CLPTM1L: variants seen among roughly 807,000 people sequenced by gnomAD.
The protein encoded by CLPTM1L is lipid scramblase CLPTM1L.
A neutral mutation model predicts 70.9 loss-of-function variants in CLPTM1L; 38 were observed. The ratio of observed to expected loss-of-function variants is 0.54; its 90% CI spans 0.41 to 0.70. The LOEUF (loss-of-function observed/expected upper bound fraction) is 0.70. Among genes scored for constraint, CLPTM1L ranks in the 30% least tolerant of loss-of-function variants. The pLI is 0.00. For synonymous variants in CLPTM1L, 339 were observed against 299.9 expected, an observed-to-expected ratio of 1.13 and a Z score of -1.35; for missense variants, 652 against 705.9, an observed-to-expected ratio of 0.92 and a Z score of 0.87.
At chr5:1,336,687 G>A (rs1002682221) in intron 5 of CLPTM1L, among the ~76,000 whole-genome samples, 3 of 152,202 alleles carry the variant, frequency 2.0e-5, no homozygotes, top group South Asian at 2.1e-4. Context: ...TGCAGGGGCC[G>A]ACAGAGAAAC....
At chr5:1,335,765 C>T (rs1048387205) in intron 5 of CLPTM1L, among the ~76,000 whole-genome samples, 2 of 152,226 alleles carry the variant, frequency 1.3e-5, no homozygotes, top group African/African-American at 4.8e-5. Context: ...GGGCCTCACG[C>T]ACACAGGCTG....
At position 1,322,884 on chromosome 5, in the gene CLPTM1L, G is replaced by A. The variant is rs202096751; in HGVS notation, c.1308C>T (p.Phe436=). Residue 436 remains phenylalanine, a synonymous_variant, in exon 13 of 17, where the codon TTC becomes TTT. Transcript: ENST00000320895. The stretch of plus-strand genomic sequence containing the variant: ...GGAAGCACATGGACTCACCGTTGAC[G>A]AAGCTGTTGATTAACCAGGAGTACC... ...KSWYSWLINS[F]VNGVYAFGFL... is the part of the protein sequence containing the mutation. The A allele has an allele frequency of 4.0e-5, 64 of 1,613,970 alleles. No individual in the cohort carries two copies. The highest frequency in any genetic ancestry group is 2.7e-4 in the Admixed American group (16 of 60,026).
At chr5:1,330,613 A>C in intron 8 of CLPTM1L, 3 of 523,062 alleles carry the variant, frequency 5.7e-6, no homozygotes, top group African/African-American at 1.9e-5. Context: ...CAGCTCCACA[A>C]ACACGTGTCT....
chr5:1,337,922 G>A lies in CLPTM1L; in HGVS notation c.660C>T (p.Asn220=), dbSNP rs146096450. ...CACTCACCATCAGGTCCTTCACGCGGTTGCTGAGCTGGTCGATGAACAGGA... is the reference window on the plus strand; with the variant it reads ...CACTCACCATCAGGTCCTTCACGCGATTGCTGAGCTGGTCGATGAACAGGA... ...LPILFIDQLS[N]RVKDLMVINR... Residue 220 remains asparagine (N), a synonymous_variant, in exon 5 of 17, where the codon AAC becomes AAT. Transcript: ENST00000320895. 4 of 1,604,222 alleles carry A rather than the reference G, an allele frequency of 2.5e-6. No individual in the cohort carries two copies. The African/African-American group carries it at 5.3e-5, about 21-fold the overall frequency.
chr5:1,338,961 T>C lies in CLPTM1L; in HGVS notation c.498A>G (p.Pro166=), dbSNP rs1328743280. 8.7e-6 allele frequency: 14 copies of C among 1,613,278 alleles called. No individual in the cohort carries two copies. The highest frequency in any genetic ancestry group is 1.6e-4 in the Middle Eastern group (1 of 6,082). The change falls in exon 4 of 17, where the codon CCA becomes CCG. Residue 166 remains proline, a synonymous_variant. Coordinates refer to ENST00000320895, the MANE Select transcript of CLPTM1L (RefSeq NM_030782.5). Reference sequence around the variant, plus strand: ...CCAGCCGCGGTCGCCAGTGGGACACTGGCTCATCCAGGGCACTCGTCGGCT... The same window carrying C: ...CCAGCCGCGGTCGCCAGTGGGACACCGGCTCATCCAGGGCACTCGTCGGCT... ...EKKPTSALDE[P]VSHWRPRLAL...
At chr5:1,325,214 C>G (rs996815035) in intron 10 of CLPTM1L, 2 of 273,868 alleles carry the variant, frequency 7.3e-6, no homozygotes, top group African/African-American at 2.2e-5. Flanking sequence ...TCCTGACCCC[C>G]CTGCCCACAG....
rs779414227 is a variant in CLPTM1L, at chr5:1,344,446, G to A, written c.168C>T (p.Ser56=). ...YLARRPKLQL[S]VYTTTRSHLG... is the part of the protein sequence containing the mutation. ...GGTGGGACCTCGTCGTGGTGTACAC[G>A]CTCAGCTGGAAAGGAGGGGGCGTCG... The change falls in exon 2 of 17, where the codon AGC becomes AGT. Residue 56 remains serine, a synonymous_variant. Transcript: ENST00000320895. The A allele has an allele frequency of 6.2e-6, 10 of 1,612,934 alleles. No homozygotes were observed. In the South Asian group the frequency reaches 6.6e-5, roughly 11 times the overall value.
chr5:1,344,607 A>T, intron 1 of CLPTM1L, 73 bp downstream of exon 1: 1 of 1,503,348 alleles, frequency 6.7e-7, no homozygotes, highest in Non-Finnish European at 9.0e-7. Context: ...CTGGGACGGG[A>T]AGGCGACGTC....
chr5:1,330,681 A>T, intron 8 of CLPTM1L: 1 of 418,592 alleles, frequency 2.4e-6, no homozygotes, highest in South Asian at 4.5e-5. Context: ...CGGGGCCAGC[A>T]CAGCTTTGCT....
At chr5:1,338,052 G>A (rs1272446417) in intron 4 of CLPTM1L, 70 bp from the exon 5 acceptor site, 3 of 1,288,412 alleles carry the variant, frequency 2.3e-6, no homozygotes, top group African/African-American at 2.9e-5. Flanking sequence ...AACACATCCA[G>A]ACACTGGGTT....
In CLPTM1L at chr5:1,320,720, G is replaced by C; in HGVS notation, c.1428C>G (p.Thr476=). The C allele has an allele frequency of 1.3e-6, 2 of 1,541,670 alleles. No homozygotes were observed. The highest frequency in any genetic ancestry group is 1.4e-5 in the African/African-American group (1 of 72,908). The change falls in exon 16 of 17, where the codon ACC becomes ACG. Residue 476 remains threonine (T), a synonymous_variant. Transcript: ENST00000320895. ...WKAFTYKAFN[T]FIDDVFAFII... is the part of the protein sequence containing the mutation. ...TGAAGGCAAAGACGTCATCAATGAA[G>C]GTGTTGAAAGCCTGCAGGGCCAGAC...
chr5:1,324,104 CAAT>C (rs1752357463), intron 11 of CLPTM1L: 1 of 555,762 alleles, frequency 1.8e-6, no homozygotes, highest in African/African-American at 1.9e-5. Context: ...CGCTAGTTAA[CAAT>C]AATAGATCAA....
At position 1,335,124 on chromosome 5, in the gene CLPTM1L, C is replaced by T. The variant is rs1250566194; in HGVS notation, c.729G>A (p.Lys243=). The change falls in exon 6 of 17, where the codon AAG becomes AAA. Residue 243 remains lysine (K), a synonymous_variant. Coordinates refer to ENST00000320895, the MANE Select transcript of CLPTM1L (RefSeq NM_030782.5). ...TELPLTVSYD[K]VSLGRLRFWI... ...AGAAGCGCAGCCGCCCCAGTGAGAC[C>T]TTGTCGTAGGACACGGTGAGGGGCA... 3 of 1,613,744 alleles carry T rather than the reference C, an allele frequency of 1.9e-6. No homozygotes were observed. The highest frequency in any genetic ancestry group is 2.5e-6 in the Non-Finnish European group (3 of 1,180,028).
rs988208330 is a variant in CLPTM1L at position 1,342,250 on chromosome 5, C to T, written c.264-390G>A. ...CCACACACACTGAATCACCCAACTC[C>T]GAAGCGACAGAAGGGAAGGGCAGCA... On this transcript the variant is annotated intron_variant, in intron 2 of 16. Transcript: ENST00000320895. The surrounding 1 kb of genome is among the most constrained non-coding windows in gnomAD (Gnocchi z 4.3). Among the ~76,000 whole-genome samples the T allele has an allele frequency of 2.6e-5, 4 of 152,132 alleles. No homozygotes were observed. Among genetic ancestry groups the T allele is most frequent in the Admixed American group, 6.5e-5 (1 of 15,276 alleles).
At chr5:1,339,479 G>A (rs1172141900) in intron 3 of CLPTM1L, among the ~76,000 whole-genome samples, 1 of 132,802 alleles carries the variant, frequency 7.5e-6, no homozygotes, top group African/African-American at 3.0e-5. Flanking sequence ...GTGAACAGAT[G>A]GCCACACAGA....
chr5:1,337,940 G>A lies in CLPTM1L; in HGVS notation c.642C>T (p.Phe214=), dbSNP rs780433258. The change falls in exon 5 of 17, where the codon TTC becomes TTT. Residue 214 remains phenylalanine, a synonymous_variant. Transcript: ENST00000320895. ...GKTVHYLPIL[F]IDQLSNRVKD... ...TCACGCGGTTGCTGAGCTGGTCGATGAACAGGATGGGCAGGTAATGCACGG... is the reference window on the plus strand; with the variant it reads ...TCACGCGGTTGCTGAGCTGGTCGATAAACAGGATGGGCAGGTAATGCACGG... The A allele has an allele frequency of 6.2e-7, 1 of 1,607,978 alleles. No individual in the cohort carries two copies.
chr5:1,338,080 C>G (rs1753696980), intron 4 of CLPTM1L, 98 bp from the exon 5 acceptor site: 2 of 903,996 alleles, frequency 2.2e-6, no homozygotes, highest in Admixed American at 2.0e-5. Flanking sequence ...GAGAAGTGCC[C>G]CCAGCACCAC....
rs1326351362 is a variant in CLPTM1L at position 1,317,891 on chromosome 5, T to C, written c.*478A>G. On this transcript the variant is annotated 3_prime_UTR_variant, in exon 17 of 17. Transcript: ENST00000320895. ...ATGCCACAGCCAGAAAAATTTATTTTAAAATAGAAACATACATTAAGCTTT... is the reference window on the plus strand; with the variant it reads ...ATGCCACAGCCAGAAAAATTTATTTCAAAATAGAAACATACATTAAGCTTT... The C allele has an allele frequency of 6.5e-6, 1 of 154,768 alleles. No individual in the cohort carries two copies. The highest frequency in any genetic ancestry group is 1.4e-5 in the Non-Finnish European group (1 of 69,886). The allele number at this position is 154,768 out of a possible 1,614,324, so 9.6% of individuals were successfully genotyped here.
In CLPTM1L at chr5:1,318,574, A is replaced by C; in HGVS notation, c.1533-121T>G. 1 of 776,580 alleles carries C rather than the reference A, an allele frequency of 1.3e-6. No individual in the cohort carries two copies. The highest frequency in any genetic ancestry group is 2.1e-6 in the Non-Finnish European group (1 of 468,132). The allele number at this position is 776,580 out of a possible 1,614,324, so 48.1% of individuals were successfully genotyped here. A position where few individuals can be genotyped will look rare whatever the true frequency, so the allele number is the denominator to read the frequency against. On this transcript the variant is annotated intron_variant, in intron 16 of 16. Transcript: ENST00000320895. This position sits in a 1 kb window ranked among gnomAD's most constrained non-coding sequence, Gnocchi z 8.9. ...CTGCCACAGTGAGCAAATTAACTAA[A>C]AAGTCGAATCCTCAGAAGTTTTACT...
Sources: allele counts gnomAD v4.1 joint callset (sites outside exome capture counted in the v4.1 genomes callset), GRCh38; gene constraint gnomAD v4.1.1; non-coding constraint Gnocchi (gnomAD v3.1); transcripts MANE v1.5; gene names NCBI Gene and HGNC (gene_info 2026-07-23, HGNC 2026-07-21).